NRG3: variants seen among roughly 807,000 people sequenced by gnomAD.
The protein encoded by NRG3 is neuregulin 3.
Under a neutral mutation model 66.9 loss-of-function variants are expected in NRG3, and 31 were observed. That is an observed-to-expected ratio of 0.46 (90% confidence interval 0.35 to 0.63). The LOEUF is 0.63. NRG3 is among the 20% of genes least tolerant of loss of function. The pLI is 0.00. For synonymous variants in NRG3, 393 were observed against 359.4 expected (o/e 1.09, Z -1.06); for missense variants, 910 against 878.9 (o/e 1.04, Z -0.45).
chr10:82,720,327 T>C (rs1417861539), intron 2 of NRG3, among the ~76,000 whole-genome samples: 3 of 151,890 alleles, frequency 2.0e-5, no homozygotes, highest in Admixed American at 1.3e-4. Context: ...GAGGCAGAGG[T>C]TGCAGTGAGC....
intron 1 of NRG3, among the ~76,000 whole-genome samples, chr10:82,248,196 C>T (rs1467224313): frequency 6.6e-6 from 1 of 152,140 alleles, no homozygotes; most frequent in Non-Finnish European, 1.5e-5. Flanking sequence ...TTTCAAAATT[C>T]TAATCTGCTT....
At chr10:82,047,205 C>G (rs1361885849) in intron 1 of NRG3, among the ~76,000 whole-genome samples, 1 of 151,408 alleles carries the variant, frequency 6.6e-6, no homozygotes, top group Non-Finnish European at 1.5e-5. Flanking sequence ...GTCCTGGACT[C>G]CTTTTGGTTG....
chr10:82,135,019 G>A (rs888870923), intron 1 of NRG3, among the ~76,000 whole-genome samples: 3 of 151,462 alleles, frequency 2.0e-5, no homozygotes, highest in South Asian at 2.1e-4. Context: ...CCAGCTACTC[G>A]GGAGGCTGAG....
At chr10:82,221,125 A>G (rs539624896) in intron 1 of NRG3, among the ~76,000 whole-genome samples, 5 of 152,330 alleles carry the variant, frequency 3.3e-5, no homozygotes, top group African/African-American at 4.8e-5. Context: ...TGCTTCCTGC[A>G]ACACCTTTAA....
intron 1 of NRG3, among the ~76,000 whole-genome samples, chr10:82,197,713 T>G (rs1217752367): frequency 6.6e-6 from 1 of 152,180 alleles, no homozygotes; most frequent in East Asian, 1.9e-4. Flanking sequence ...GTGATATTTA[T>G]CTTAAGATAA....
intron 2 of NRG3, among the ~76,000 whole-genome samples, chr10:82,419,167 C>T (rs576916592): frequency 6.6e-6 from 1 of 152,230 alleles, no homozygotes; most frequent in African/African-American, 2.4e-5. Flanking sequence ...GTGAAATTAA[C>T]TATTTTCACA....
At chr10:82,475,393 G>C (rs183457523) in intron 2 of NRG3, among the ~76,000 whole-genome samples, 213 of 152,042 alleles carry the variant, frequency 1.4e-3, no homozygotes, top group African/African-American at 4.7e-3. Context: ...AACCTACTAA[G>C]ACTGAATCAT....
chr10:82,851,223 A>C (rs1309309984), intron 3 of NRG3, among the ~76,000 whole-genome samples: 1 of 152,204 alleles, frequency 6.6e-6, no homozygotes, highest in Non-Finnish European at 1.5e-5. Flanking sequence ...CATTTCGTTT[A>C]TCTAATTCCA....
intron 3 of NRG3, among the ~76,000 whole-genome samples, chr10:82,771,315 A>C (rs1226272996): frequency 6.6e-6 from 1 of 152,186 alleles, no homozygotes; most frequent in Non-Finnish European, 1.5e-5. Flanking sequence ...ACGTTAAAAA[A>C]TGAAATGTTT....
At chr10:82,074,641 G>A (rs1229677144) in intron 1 of NRG3, among the ~76,000 whole-genome samples, 3 of 152,018 alleles carry the variant, frequency 2.0e-5, no homozygotes, top group African/African-American at 7.3e-5. Context: ...ACCAGCCTGA[G>A]GTACATAGCA....
intron 2 of NRG3, among the ~76,000 whole-genome samples, chr10:82,396,098 T>C (rs987240904): frequency 1.3e-5 from 2 of 152,196 alleles, no homozygotes; most frequent in Non-Finnish European, 2.9e-5. Context: ...CCTTGGCAAA[T>C]TGCCATACTC....
chr10:82,043,922 A>G (rs879871739), intron 1 of NRG3, among the ~76,000 whole-genome samples: 20 of 152,122 alleles, frequency 1.3e-4, no homozygotes, highest in Non-Finnish European at 1.3e-4. Context: ...CTCTTCTAAT[A>G]TTAAACATTG....
chr10:81,966,468 C>CTATT (rs1006957898), intron 1 of NRG3, among the ~76,000 whole-genome samples: 42 of 151,916 alleles, frequency 2.8e-4, no homozygotes, highest in Middle Eastern at 3.4e-3. Context: ...TTCTGTTCTT[C>CTATT]TATTTATTTA....
At chr10:82,985,013 A>T in intron 8 of NRG3, 85 bp from the exon 9 acceptor site, 1 of 1,483,080 alleles carries the variant, frequency 6.7e-7, no homozygotes, top group Non-Finnish European at 9.3e-7. Flanking sequence ...GAGATGGTGC[A>T]TGTGAAAAGT....
At chr10:82,294,647 C>T (rs1336275) in intron 1 of NRG3, among the ~76,000 whole-genome samples, 3,534 of 152,250 alleles carry the variant, frequency 0.023, 112 homozygotes, top group East Asian at 0.12. Flanking sequence ...TATATGCCTG[C>T]TTGGCCCTAG....
At chr10:82,761,705 T>A (rs17095523) in intron 3 of NRG3, among the ~76,000 whole-genome samples, 3,262 of 151,862 alleles carry the variant, frequency 0.021, 122 homozygotes, top group African/African-American at 0.074. Flanking sequence ...TAAATCAGTT[T>A]GGCTTGTAAT....
chr10:82,472,195 A>G (rs1413015395), intron 2 of NRG3, among the ~76,000 whole-genome samples: 1 of 152,220 alleles, frequency 6.6e-6, no homozygotes, highest in African/African-American at 2.4e-5. Flanking sequence ...GAAAAATTAA[A>G]CAGACATTTG....
At chr10:82,056,878 T>G (rs1292377780) in intron 1 of NRG3, among the ~76,000 whole-genome samples, 2 of 152,166 alleles carry the variant, frequency 1.3e-5, no homozygotes, top group African/African-American at 4.8e-5. Context: ...TGGATGACTT[T>G]TTTTCCCACA....
intron 4 of NRG3, among the ~76,000 whole-genome samples, chr10:82,895,534 A>G (rs1843573889): frequency 7.4e-6 from 1 of 134,268 alleles, no homozygotes; most frequent in East Asian, 2.2e-4. Flanking sequence ...TCTGTCACCC[A>G]GGCTGGAGTG....
Sources: gnomAD v4.1 joint callset for allele counts (sites outside exome capture counted in the v4.1 genomes callset) on GRCh38, gnomAD v4.1.1 for gene constraint, MANE v1.5 for transcripts, NCBI Gene and HGNC (gene_info 2026-07-23, HGNC 2026-07-21) for gene names.